Variants in DNAH12 observed in about 807,000 individuals in gnomAD.
The protein encoded by DNAH12 is axonemal beta dynein heavy chain 12.
A neutral mutation model predicts 371.5 loss-of-function variants in DNAH12; 285 were observed. The ratio of observed to expected loss-of-function variants is 0.77; its 90% CI spans 0.70 to 0.85. DNAH12 has a LOEUF of 0.85. Among genes scored for constraint, DNAH12 ranks in the 40% least tolerant of loss-of-function variants. The pLI is 0.00. For missense variants in DNAH12, 3,611 were observed against 3,689.4 expected (o/e 0.98, Z 0.55); for synonymous variants, 1,200 against 1,213.0 (o/e 0.99, Z 0.22).
intron 19 of DNAH12, among the ~76,000 whole-genome samples, chr3:57,461,007 A>G (rs927436670): frequency 4.6e-5 from 7 of 152,216 alleles, no homozygotes; most frequent in African/African-American, 1.7e-4. Context: ...CAGTTAGGAT[A>G]GTTTTCATAT....
chr3:57,411,598 C>G (rs2064209812), intron 39 of DNAH12, among the ~76,000 whole-genome samples: 1 of 149,838 alleles, frequency 6.7e-6, no homozygotes, highest in African/African-American at 2.5e-5. Flanking sequence ...AGCACCCACC[C>G]CCAATGAAAT....
chr3:57,309,340 C>A (rs1054352355), intron 68 of DNAH12, 86 bp from the exon 69 acceptor site: 3 of 1,072,404 alleles, frequency 2.8e-6, no homozygotes, highest in African/African-American at 1.6e-5. Flanking sequence ...ATAGCTAATA[C>A]TAGGGTGTAT....
chr3:57,405,059 G>T lies in DNAH12; in HGVS notation c.6665C>A (p.Pro2222Gln). ...AACATCACTAAAATGATGAATATTTGGAATTTCAATATAAACTCTATCATC... is the reference window on the plus strand; with the variant it reads ...AACATCACTAAAATGATGAATATTTTGAATTTCAATATAAACTCTATCATC... ...EGDDRVYIEIPNIHHFSDVVD... is the reference protein window; with the variant it reads ...EGDDRVYIEIQNIHHFSDVVD... The change falls in exon 42 of 74, where the codon CCA becomes CAA. Residue 2222 changes from proline (P) to glutamine (Q), a missense_variant. Pro to Gln is a moderately conservative substitution (Grantham distance 76). Coordinates refer to ENST00000495027, the MANE Select transcript of DNAH12 (RefSeq NM_001366028.2). 6.5e-7 allele frequency: 1 copy of T among 1,546,302 alleles called. No homozygotes were observed. Among genetic ancestry groups the T allele is most frequent in the Non-Finnish European group, 8.7e-7 (1 of 1,145,348 alleles).
At chr3:57,294,193 T>TGG (rs1403630433) in intron 73 of DNAH12, among the ~76,000 whole-genome samples, 18 of 142,630 alleles carry the variant, frequency 1.3e-4, no homozygotes, top group Admixed American at 9.3e-4. Context: ...TTTTTTTTTT[T>TGG]GGAGACTGAG....
Position 57,510,840 on chromosome 3 carries a change from A to G in DNAH12, c.419T>C (p.Leu140Pro). The change falls in exon 5 of 74, where the codon CTC (leucine) becomes CCC (proline). Residue 140 changes from leucine to proline, a missense_variant. Coordinates refer to ENST00000495027, the MANE Select transcript of DNAH12 (RefSeq NM_001366028.2). Reference protein sequence around the residue: ...GKEREELLESLINEVSSDFEN... With the variant: ...GKEREELLESPINEVSSDFEN... ...AAAGTCACTTGACACCTCATTTATG[A>G]GACTTTCAAGAAGTTCTTCTCTTTC... is the stretch of plus-strand genomic sequence containing the variant. 6.2e-7 allele frequency: 1 copy of G among 1,614,058 alleles called. No homozygotes were observed. The highest frequency in any genetic ancestry group is 8.5e-7 in the Non-Finnish European group (1 of 1,180,018).
In DNAH12 at chr3:57,358,300, T is replaced by A. The variant is rs1388005950; in HGVS notation, c.9361-952A>T. On this transcript the variant is annotated intron_variant, in intron 58 of 73. Transcript: ENST00000495027. ...CTTTTTCTACATGTTGGTTTCTACA[T>A]GCTAGATGAGTATATAAAGGAAGAG... 2.0e-5 allele frequency among the ~76,000 whole-genome samples: 3 copies of A among 152,164 alleles called. No individual in the cohort carries two copies. In the East Asian group the frequency reaches 5.8e-4, roughly 29 times the overall value.
intron 65 of DNAH12, among the ~76,000 whole-genome samples, chr3:57,316,397 T>C (rs1261805466): frequency 1.3e-5 from 2 of 152,190 alleles, no homozygotes; most frequent in African/African-American, 2.4e-5. Context: ...TTCAACAACC[T>C]TGTCATAATA....
intron 39 of DNAH12, among the ~76,000 whole-genome samples, chr3:57,408,757 C>T (rs74440615): frequency 6.7e-6 from 1 of 148,884 alleles, no homozygotes; most frequent in Admixed American, 6.8e-5. Context: ...TGGAATGACC[C>T]TTCCCTCTTA....
At chr3:57,354,207 A>G (rs2153323415) in intron 59 of DNAH12, among the ~76,000 whole-genome samples, 1 of 152,292 alleles carries the variant, frequency 6.6e-6, no homozygotes, top group Non-Finnish European at 1.5e-5. Flanking sequence ...GAATGAACTC[A>G]TGTCCTTTGG....
chr3:57,320,415 C>T (rs1334992546), intron 65 of DNAH12, among the ~76,000 whole-genome samples: 1 of 152,192 alleles, frequency 6.6e-6, no homozygotes, highest in Non-Finnish European at 1.5e-5. Context: ...TCTATAGACT[C>T]ATAACGAATG....
At chr3:57,552,149 G>A in the DNAH12 span, among the ~76,000 whole-genome samples, 1 of 151,608 alleles carries the variant, frequency 6.6e-6, no homozygotes, top group African/African-American at 2.4e-5. Context: ...GGAGGCTGAG[G>A]CAGGAGAATG....
chr3:57,410,396 A>G (rs1553682622), intron 39 of DNAH12, among the ~76,000 whole-genome samples: 2 of 152,106 alleles, frequency 1.3e-5, no homozygotes, highest in Non-Finnish European at 2.9e-5. Flanking sequence ...CCTACATAAG[A>G]AGAAAACCTT....
At chr3:57,507,952 G>C (rs574934787) in intron 7 of DNAH12, 114 bp from the exon 8 acceptor site, 30 of 889,530 alleles carry the variant, frequency 3.4e-5, no homozygotes, top group Non-Finnish European at 4.9e-5. Flanking sequence ...ACTTTGGGAG[G>C]CTGAGGCAGG....
chr3:57,342,651 CAAAAA>C (rs71088061), intron 60 of DNAH12, among the ~76,000 whole-genome samples: 11 of 35,090 alleles, frequency 3.1e-4, no homozygotes, highest in African/African-American at 8.9e-4. Context: ...GACTGAGACT[CAAAAA>C]AAAAAAAAAA....
At chr3:57,365,495 C>T (rs1186906349) in intron 57 of DNAH12, among the ~76,000 whole-genome samples, 1 of 152,106 alleles carries the variant, frequency 6.6e-6, no homozygotes, top group Non-Finnish European at 1.5e-5. Flanking sequence ...GGAAAAATAG[C>T]TAATGCATGC....
chr3:57,413,794 GCT>G lies in DNAH12; in HGVS notation c.5970_5971del (p.Ala1991SerfsTer5). The G allele has an allele frequency of 6.4e-7, 1 of 1,551,154 alleles. No individual in the cohort carries two copies. Among genetic ancestry groups the G allele is most frequent in the Non-Finnish European group, 8.7e-7 (1 of 1,146,754 alleles). Reference sequence around the variant, plus strand: ...TCGTAATAATTCAATAGGTGGTTGAGCTCCATACTTCTCCAATGCAGGCATAT... The same window carrying G: ...TCGTAATAATTCAATAGGTGGTTGAGCCATACTTCTCCAATGCAGGCATAT... On this transcript the variant is annotated frameshift_variant, in exon 39 of 74. Transcript: ENST00000495027. LOFTEE classifies it high-confidence loss of function.
Position 57,405,163 on chromosome 3 carries a change from C to A in DNAH12, c.6577-16G>T. The A allele has an allele frequency of 6.7e-7, 1 of 1,482,920 alleles. No individual in the cohort carries two copies. 91.9% of individuals were successfully genotyped at this position (1,482,920 alleles called of 1,614,324 possible). ...CTTCAGTTACCTATAGAAAGGAAAT[C>A]AACAAATTTTAAAACTTAAAACATT... is the stretch of plus-strand genomic sequence containing the variant. On this transcript the variant is annotated splice_polypyrimidine_tract_variant and intron_variant, in intron 41 of 73. Coordinates refer to ENST00000495027, the MANE Select transcript of DNAH12 (RefSeq NM_001366028.2).
At chr3:57,449,656 G>C (rs2065682314) in intron 25 of DNAH12, among the ~76,000 whole-genome samples, 1 of 152,216 alleles carries the variant, frequency 6.6e-6, no homozygotes, top group Non-Finnish European at 1.5e-5. Context: ...GGCCCGCCAA[G>C]CCCACGCCCA....
Position 57,403,359 on chromosome 3 carries a change from G to C in DNAH12, c.6898C>G (p.Pro2300Ala). The change falls in exon 43 of 74, where the codon CCA (proline) becomes GCA (alanine). Residue 2300 changes from proline to alanine, a missense_variant. Around this residue, in one of 3 missense-constraint regions of DNAH12, gnomAD observed 2,266 missense variants for 2,236.9 expected, o/e 1.01. Transcript: ENST00000495027. ...TSMAKMHIFQ[P>A]EISKSYGMNE... Reference sequence around the variant, plus strand: ...ATACCATAGCTCTTAGAAATTTCTGGTTGGAAAATATGCATTTTTGCCATG... The same window carrying C: ...ATACCATAGCTCTTAGAAATTTCTGCTTGGAAAATATGCATTTTTGCCATG... 6.4e-7 allele frequency: 1 copy of C among 1,550,600 alleles called. No homozygotes were observed. Among genetic ancestry groups the C allele is most frequent in the Non-Finnish European group, 8.7e-7 (1 of 1,146,480 alleles).
Sources: gnomAD v4.1 joint callset for allele counts (sites outside exome capture counted in the v4.1 genomes callset) on GRCh38, gnomAD v4.1.1 for gene constraint, gnomAD v4.1.1 regional missense constraint, MANE v1.5 for transcripts, NCBI Gene and HGNC (gene_info 2026-07-23, HGNC 2026-07-21) for gene names.